CACNB2: variants seen among roughly 807,000 people sequenced by gnomAD.
CACNB2 encodes the protein calcium voltage-gated channel auxiliary subunit beta 2, also known as voltage-dependent L-type calcium channel subunit beta-2.
CACNB2 carries 42 observed loss-of-function variants against 73.3 expected under a neutral mutation model. That is an observed-to-expected ratio of 0.57 (90% confidence interval 0.45 to 0.74). CACNB2 has a LOEUF of 0.74. Ranked by LOEUF, CACNB2 falls within the 30% of genes least tolerant of loss-of-function variation. The pLI is 0.00. For missense variants in CACNB2, 940 were observed against 853.0 expected, an observed-to-expected ratio of 1.10 and a Z score of -1.27; for synonymous variants, 348 against 310.3, an observed-to-expected ratio of 1.12 and a Z score of -1.28.
chr10:18,299,759 A>C (rs2039433663), intron 2 of CACNB2, among the ~76,000 whole-genome samples: 1 of 152,172 alleles, frequency 6.6e-6, no homozygotes, highest in African/African-American at 2.4e-5. Flanking sequence ...AATGGAGATC[A>C]TTATAACTCA....
intron 3 of CACNB2, among the ~76,000 whole-genome samples, chr10:18,428,554 C>T (rs372322060): frequency 3.3e-5 from 5 of 152,070 alleles, no homozygotes; most frequent in East Asian, 1.9e-4. Flanking sequence ...GACGTGGTGG[C>T]GGACACCTGT....
intron 3 of CACNB2, among the ~76,000 whole-genome samples, chr10:18,433,139 AT>A (rs2045972365): frequency 6.6e-6 from 1 of 151,940 alleles, no homozygotes; most frequent in African/African-American, 2.4e-5. Flanking sequence ...ATATATATAT[AT>A]ATATTTGAAA....
intron 2 of CACNB2, among the ~76,000 whole-genome samples, chr10:18,352,640 A>G (rs536076802): frequency 7.2e-5 from 11 of 152,314 alleles, no homozygotes; most frequent in African/African-American, 2.6e-4. Context: ...TGCGTACTTA[A>G]TTGTTATATG....
At chr10:18,475,352 T>A (rs2048387420) in intron 3 of CACNB2, among the ~76,000 whole-genome samples, 2 of 152,116 alleles carry the variant, frequency 1.3e-5, no homozygotes, top group South Asian at 4.1e-4. Context: ...AACACTTTAA[T>A]ATTACGGTTG....
intron 2 of CACNB2, among the ~76,000 whole-genome samples, chr10:18,154,458 T>A (rs2031869978): frequency 6.7e-6 from 1 of 148,950 alleles, no homozygotes. Context: ...GACTGTTATC[T>A]TTTTTTTTTG....
chr10:18,442,974 ATATATATATATGTATATATATAT>A (rs2046522700), intron 3 of CACNB2, among the ~76,000 whole-genome samples: 1 of 19,756 alleles, frequency 5.1e-5, no homozygotes, highest in Non-Finnish European at 7.5e-5. Flanking sequence ...ATATATGTGT[ATATATATATATGTATATATATAT>A]GTGTATATAT....
At chr10:18,484,002 C>T (rs925246404) in intron 3 of CACNB2, among the ~76,000 whole-genome samples, 4 of 152,180 alleles carry the variant, frequency 2.6e-5, no homozygotes, top group African/African-American at 7.2e-5. Context: ...GGCCACATTT[C>T]GTGGGCTGAG....
chr10:18,145,057 G>A (rs1571787), intron 1 of CACNB2, among the ~76,000 whole-genome samples: 43,737 of 151,958 alleles, frequency 0.29, 6,338 homozygotes, highest in East Asian at 0.42. Flanking sequence ...ACCTCCAGTC[G>A]CACCTGAAAC....
At chr10:18,433,291 G>A (rs1235104636) in intron 3 of CACNB2, among the ~76,000 whole-genome samples, 1 of 152,170 alleles carries the variant, frequency 6.6e-6, no homozygotes, top group Admixed American at 6.5e-5. Flanking sequence ...GAAATGGCAA[G>A]CAGTTTAATA....
chr10:18,286,321 C>T (rs1346707654), intron 2 of CACNB2, among the ~76,000 whole-genome samples: 2 of 151,860 alleles, frequency 1.3e-5, no homozygotes, highest in African/African-American at 4.8e-5. Context: ...TCCAGACCAT[C>T]CTGGCTAACA....
At chr10:18,364,731 G>A (rs541266014) in intron 2 of CACNB2, among the ~76,000 whole-genome samples, 2 of 152,038 alleles carry the variant, frequency 1.3e-5, no homozygotes, top group Admixed American at 6.6e-5. Flanking sequence ...TTTCTTTTGT[G>A]TGTATCAATT....
intron 2 of CACNB2, among the ~76,000 whole-genome samples, chr10:18,291,903 A>G (rs2039082321): frequency 6.6e-6 from 1 of 152,230 alleles, no homozygotes; most frequent in Non-Finnish European, 1.5e-5. Flanking sequence ...AAAAGCATAT[A>G]AATATCTTTG....
At position 18,456,578 on chromosome 10, in the gene CACNB2, G is replaced by A. The variant is rs563403663; in HGVS notation, c.334-41777G>A. ...TTATGAGCCAATCACCTCCCACCAG[G>A]CCCCACCTCCAACACTGAGGATTAC... On this transcript the variant is annotated intron_variant, in intron 3 of 13. Coordinates refer to ENST00000324631, the MANE Select transcript of CACNB2 (RefSeq NM_201596.3). Among the ~76,000 whole-genome samples, 5 of 152,138 alleles carry A rather than the reference G, an allele frequency of 3.3e-5. No homozygotes were observed. In the East Asian group the frequency reaches 9.6e-4, roughly 29 times the overall value.
At chr10:18,179,051 T>G (rs1368209014) in intron 2 of CACNB2, among the ~76,000 whole-genome samples, 1 of 152,180 alleles carries the variant, frequency 6.6e-6, no homozygotes, top group Non-Finnish European at 1.5e-5. Context: ...ATAAACAAAT[T>G]AGAATTTTCT....
intron 3 of CACNB2, among the ~76,000 whole-genome samples, chr10:18,466,425 G>T (rs1021072429): frequency 6.6e-6 from 1 of 151,772 alleles, no homozygotes; most frequent in Admixed American, 6.6e-5. Flanking sequence ...CAGAGACGAG[G>T]TCTCACTATG....
intron 2 of CACNB2, among the ~76,000 whole-genome samples, chr10:18,181,404 G>A (rs1022921145): frequency 6.6e-6 from 1 of 151,960 alleles, no homozygotes; most frequent in African/African-American, 2.4e-5. Flanking sequence ...CAAGACTGTA[G>A]CCCTGGTTAA....
rs532188160 is a variant in CACNB2, at chr10:18,278,761, A to G, written c.214-123163A>G. ...CTAGGGCGCAGTGACCACACTTGTA[A>G]TCCCAGCACTTTTGGGGGCCGAGGC... On this transcript the variant is annotated intron_variant, in intron 2 of 13. Coordinates refer to ENST00000324631, the MANE Select transcript of CACNB2 (RefSeq NM_201596.3). Among the ~76,000 whole-genome samples, 3 of 152,180 alleles carry G rather than the reference A, an allele frequency of 2.0e-5. No individual in the cohort carries two copies. The South Asian group carries it at 6.2e-4, about 32-fold the overall frequency.
At chr10:18,270,660 C>A (rs2038013178) in intron 2 of CACNB2, among the ~76,000 whole-genome samples, 1 of 152,100 alleles carries the variant, frequency 6.6e-6, no homozygotes, top group African/African-American at 2.4e-5. Context: ...AGTTTCCTAA[C>A]AATCAACACT....
intron 3 of CACNB2, among the ~76,000 whole-genome samples, chr10:18,487,704 G>T (rs979966248): frequency 6.6e-6 from 1 of 151,986 alleles, no homozygotes; most frequent in African/African-American, 2.4e-5. Context: ...GCATGTTGGC[G>T]GGCGCCTATA....
Sources: gnomAD v4.1 joint callset for allele counts (sites outside exome capture counted in the v4.1 genomes callset) on GRCh38, gnomAD v4.1.1 for gene constraint, MANE v1.5 for transcripts, NCBI Gene and HGNC (gene_info 2026-07-23, HGNC 2026-07-21) for gene names.